ANKRD44: variants seen among roughly 807,000 people sequenced by gnomAD.
ANKRD44 encodes the protein ankyrin repeat domain 44, also known as serine/threonine-protein phosphatase 6 regulatory ankyrin repeat subunit B.
In ANKRD44, 35 loss-of-function variants were observed where a neutral mutation model predicts 116.0. The observed-to-expected ratio is 0.30, with a 90% CI of 0.23 to 0.40. The LOEUF (loss-of-function observed/expected upper bound fraction) is 0.40, where lower values mean the gene tolerates loss of function less well. Among genes scored for constraint, ANKRD44 ranks in the 10% least tolerant of loss-of-function variants. ANKRD44 has a pLI of 1.00. For synonymous variants in ANKRD44, 435 were observed against 461.8 expected, an observed-to-expected ratio of 0.94 and a Z score of 0.74; for missense variants, 1,014 against 1,242.6, an observed-to-expected ratio of 0.82 and a Z score of 2.77.
At chr2:197,014,060 G>A (rs1049909501) in intron 17 of ANKRD44, among the ~76,000 whole-genome samples, 1 of 152,140 alleles carries the variant, frequency 6.6e-6, no homozygotes, top group Non-Finnish European at 1.5e-5. Flanking sequence ...TCTTTTATCT[G>A]TCAGTTCAGT....
At chr2:197,214,817 G>T (rs1271491427) in intron 1 of ANKRD44, among the ~76,000 whole-genome samples, 1 of 152,170 alleles carries the variant, frequency 6.6e-6, no homozygotes, top group Admixed American at 6.5e-5. Flanking sequence ...TTCCCAAATA[G>T]ATGCTCCAAG....
chr2:197,022,640 T>C (rs2076519307), intron 17 of ANKRD44, among the ~76,000 whole-genome samples: 1 of 152,132 alleles, frequency 6.6e-6, no homozygotes, highest in South Asian at 2.1e-4. Flanking sequence ...AAACACTCCT[T>C]CATCAGATGT....
chr2:197,131,234 C>T (rs1201017618), intron 4 of ANKRD44, among the ~76,000 whole-genome samples: 4 of 150,344 alleles, frequency 2.7e-5, no homozygotes, highest in African/African-American at 9.8e-5. Context: ...CTCTGTCGCC[C>T]AGGCTGGAGT....
At position 196,993,599 on chromosome 2, in the gene ANKRD44, A is replaced by C. The variant is rs1214220470; in HGVS notation, c.2907T>G (p.Leu969=). Residue 969 remains leucine, a synonymous_variant, in exon 27 of 28, where the codon CTT becomes CTG. Coordinates refer to ENST00000282272, the MANE Select transcript of ANKRD44 (RefSeq NM_001195144.2). ...EELLAKGACV[L]AVDENASRSN... is the part of the protein sequence containing the mutation. Reference sequence around the variant, plus strand: ...TCCACTTACCATTTTCATCTACAGCAAGTACACAGGCCCCTTTGGCCAGCA... The same window carrying C: ...TCCACTTACCATTTTCATCTACAGCCAGTACACAGGCCCCTTTGGCCAGCA... 4.5e-6 allele frequency: 7 copies of C among 1,550,892 alleles called. No individual in the cohort carries two copies. Among genetic ancestry groups the C allele is most frequent in the African/African-American group, 1.4e-5 (1 of 73,048 alleles).
rs185419524 is a variant in ANKRD44, at chr2:196,995,416, C to T, written c.2794G>A (p.Glu932Lys). The T allele has an allele frequency of 8.9e-5, 143 of 1,612,068 alleles. No individual in the cohort carries two copies. The East Asian group carries it at 1.5e-3, about 17-fold the overall frequency. Reference sequence around the variant, plus strand: ...TTATTTTTTTCATTAATAAGGCTCTCGTCTTGTATCTTGTCAAGTATTAAC... The same window carrying T: ...TTATTTTTTTCATTAATAAGGCTCTTGTCTTGTATCTTGTCAAGTATTAAC... ...ALLILDKIQD[E>K]SLINEKNNAL... Residue 932 changes from glutamate to lysine, a missense_variant, in exon 26 of 28, where the codon GAG (glutamate) becomes AAG (lysine). Glu to Lys is a moderately conservative substitution (Grantham distance 56). Coordinates refer to ENST00000282272, the MANE Select transcript of ANKRD44 (RefSeq NM_001195144.2).
At chr2:197,305,767 T>G (rs114008262) in intron 1 of ANKRD44, among the ~76,000 whole-genome samples, 1 of 151,994 alleles carries the variant, frequency 6.6e-6, no homozygotes, top group African/African-American at 2.4e-5. Flanking sequence ...ATATCAGCTA[T>G]GTGCACAAGT....
chr2:197,149,218 A>T (rs1215079742), intron 2 of ANKRD44, among the ~76,000 whole-genome samples: 1 of 152,206 alleles, frequency 6.6e-6, no homozygotes, highest in African/African-American at 2.4e-5. Flanking sequence ...TGCCTAAGTG[A>T]TTTAAACAGG....
chr2:197,165,544 G>T (rs1259485206), intron 2 of ANKRD44, among the ~76,000 whole-genome samples: 2 of 152,328 alleles, frequency 1.3e-5, no homozygotes, highest in African/African-American at 2.4e-5. Flanking sequence ...TAGGAATAGT[G>T]ATTGGGAACC....
intron 21 of ANKRD44, among the ~76,000 whole-genome samples, chr2:196,979,984 C>T (rs1047888662): frequency 6.6e-6 from 1 of 152,120 alleles, no homozygotes; most frequent in African/African-American, 2.4e-5. Flanking sequence ...AGGCTGGCGG[C>T]AAGGAAAATG....
chr2:197,028,662 A>G (rs1030909060), intron 16 of ANKRD44: 1 of 156,394 alleles, frequency 6.4e-6, no homozygotes, highest in Non-Finnish European at 1.4e-5. Flanking sequence ...TATTAAAAAT[A>G]AGGTGTCCAA....
At chr2:197,141,257 G>A (rs566311148) in intron 3 of ANKRD44, among the ~76,000 whole-genome samples, 12 of 152,164 alleles carry the variant, frequency 7.9e-5, no homozygotes, top group South Asian at 2.1e-4. Context: ...TTGAAAAAAA[G>A]AGCATCTCTT....
intron 13 of ANKRD44, among the ~76,000 whole-genome samples, chr2:197,084,937 A>G (rs1034633180): frequency 1.9e-4 from 29 of 152,162 alleles, no homozygotes; most frequent in Non-Finnish European, 3.7e-4. Context: ...TTTCTCATCT[A>G]TTAAAAGGGG....
At chr2:196,967,463 A>AAAAAG (rs770309553) in intron 21 of ANKRD44, 10 of 466,108 alleles carry the variant, frequency 2.1e-5, no homozygotes, top group South Asian at 1.1e-4. Flanking sequence ...TGCCATTTAA[A>AAAAAG]AAAAGAAAAG....
intron 27 of ANKRD44, chr2:196,990,200 C>A: frequency 2.0e-6 from 2 of 986,246 alleles, no homozygotes; most frequent in Non-Finnish European, 2.4e-6. Context: ...AGATGGACAC[C>A]TTTACCTTTG....
intron 21 of ANKRD44, among the ~76,000 whole-genome samples, chr2:196,979,580 T>TTTTTTTTTTTTTAA (rs2075786167): frequency 1.1e-5 from 1 of 91,660 alleles, no homozygotes; most frequent in African/African-American, 3.5e-5. Flanking sequence ...TTTTTTTTTT[T>TTTTTTTTTTTTTAA]AAGACAGAGT....
Position 197,149,483 on chromosome 2 carries a change from C to T in ANKRD44, c.112-2378G>A, listed in dbSNP as rs191872210. ...ACTGTAAAAATTCTTGATGATGAAT[C>T]CCAGTGTTCCTGTTAATATGTGCTT... On this transcript the variant is annotated intron_variant, in intron 2 of 27. Coordinates refer to ENST00000282272, the MANE Select transcript of ANKRD44 (RefSeq NM_001195144.2). 5.3e-5 allele frequency among the ~76,000 whole-genome samples: 8 copies of T among 152,244 alleles called. No homozygotes were observed. In the East Asian group the frequency reaches 1.5e-3, roughly 29 times the overall value.
intron 1 of ANKRD44, among the ~76,000 whole-genome samples, chr2:197,288,458 A>G (rs1374273169): frequency 6.6e-6 from 1 of 152,214 alleles, no homozygotes; most frequent in Non-Finnish European, 1.5e-5. Context: ...AATAACTTCT[A>G]TATGACCTAG....
At chr2:197,273,380 C>T (rs1460691039) in intron 1 of ANKRD44, among the ~76,000 whole-genome samples, 1 of 152,148 alleles carries the variant, frequency 6.6e-6, no homozygotes, top group African/African-American at 2.4e-5. Flanking sequence ...GGTCAATGAG[C>T]ATATTAAAAA....
intron 8 of ANKRD44, among the ~76,000 whole-genome samples, chr2:197,119,862 C>T (rs910242710): frequency 6.6e-6 from 1 of 152,102 alleles, no homozygotes; most frequent in African/African-American, 2.4e-5. Flanking sequence ...AGTGATGTCG[C>T]CCAAATTATG....
Sources: allele counts gnomAD v4.1 joint callset (sites outside exome capture counted in the v4.1 genomes callset), GRCh38; gene constraint gnomAD v4.1.1; transcripts MANE v1.5; gene names NCBI Gene and HGNC (gene_info 2026-07-23, HGNC 2026-07-21).